Variants in GABRR1 observed in about 807,000 individuals in gnomAD.
GABRR1 encodes the protein gamma-aminobutyric acid type A receptor subunit rho1.
GABRR1 carries 59 observed loss-of-function variants against 55.5 expected under a neutral mutation model. That is an observed-to-expected ratio of 1.06 (90% CI 0.86 to 1.32). GABRR1 has a LOEUF of 1.32. Ranked by LOEUF, GABRR1 falls within the 40% of genes most tolerant of loss-of-function variation. The pLI is 0.00. For missense variants in GABRR1, 602 were observed against 619.1 expected (o/e 0.97, Z 0.29); for synonymous variants, 213 against 226.0 (o/e 0.94, Z 0.51).
chr6:89,220,254 G>T (rs1159313179), upstream of GABRR1, among the ~76,000 whole-genome samples: 1 of 152,198 alleles, frequency 6.6e-6, no homozygotes, highest in African/African-American at 2.4e-5. Context: ...AAACCGGAAG[G>T]CCTCAAACAC....
intron 9 of GABRR1, 91 bp from the exon 10 acceptor site, chr6:89,179,154 G>A: frequency 7.6e-7 from 1 of 1,307,370 alleles, no homozygotes; most frequent in Non-Finnish European, 1.0e-6. Context: ...GGTGTTGCCT[G>A]GTTTCTGGTA....
upstream of GABRR1, among the ~76,000 whole-genome samples, chr6:89,220,780 GCA>G (rs1214776729): frequency 6.6e-6 from 1 of 152,066 alleles, no homozygotes; most frequent in Non-Finnish European, 1.5e-5. Context: ...GAGTGCAATG[GCA>G]TGATCTCAGC....
intron 1 of GABRR1, among the ~76,000 whole-genome samples, chr6:89,210,921 AG>A (rs954140152): frequency 4.3e-4 from 14 of 32,328 alleles, no homozygotes; most frequent in South Asian, 1.3e-3. Context: ...CTTGAGAGGC[AG>A]GGGGTGAGGG....
chr6:89,229,586 T>C (rs1351862637), intron 1 of GABRR1, among the ~76,000 whole-genome samples: 1 of 140,640 alleles, frequency 7.1e-6, no homozygotes, highest in African/African-American at 2.6e-5. Flanking sequence ...TGTTGAATAT[T>C]GGCCCCCACT....
At chr6:89,181,449 T>C (rs1232911674) in intron 8 of GABRR1, among the ~76,000 whole-genome samples, 1 of 152,250 alleles carries the variant, frequency 6.6e-6, no homozygotes. Context: ...TGGGAGAACT[T>C]GTTAAAAATG....
At chr6:89,188,396 A>T (rs9294424) in intron 6 of GABRR1, among the ~76,000 whole-genome samples, 1 of 152,036 alleles carries the variant, frequency 6.6e-6, no homozygotes, top group Non-Finnish European at 1.5e-5. Context: ...ACAAAGGATA[A>T]GGGTTCTAAT....
chr6:89,207,411 T>A (rs1466670612), intron 1 of GABRR1, among the ~76,000 whole-genome samples: 1 of 152,056 alleles, frequency 6.6e-6, no homozygotes, highest in Non-Finnish European at 1.5e-5. Flanking sequence ...CCCAGGCTGG[T>A]CTTGAACCCC....
Position 89,187,208 on chromosome 6 carries a change from G to GTGT in GABRR1, c.656-1759_656-1758insACA, listed in dbSNP as rs1212822097. 1.2e-4 allele frequency among the ~76,000 whole-genome samples: 17 copies of GTGT among 146,050 alleles called. No homozygotes were observed. The South Asian group carries it at 2.1e-3, about 18-fold the overall frequency. ...TCTTTCTGTGGCCTGGTTTCTGGGG[G>GTGT]GTGTGTGTGTGTGTGTGTGTGTTGT... On this transcript the variant is annotated intron_variant, in intron 6 of 9. Coordinates refer to ENST00000454853, the MANE Select transcript of GABRR1 (RefSeq NM_002042.5).
chr6:89,188,796 T>C (rs1771993710), intron 6 of GABRR1, among the ~76,000 whole-genome samples: 1 of 152,176 alleles, frequency 6.6e-6, no homozygotes, highest in Non-Finnish European at 1.5e-5. Context: ...TTTTCTTTTG[T>C]TGACTGCACC....
Position 89,230,381 on chromosome 6 carries a change from C to T in GABRR1, c.-411+835G>A, listed in dbSNP as rs1467197947. 4.5e-3 allele frequency among the ~76,000 whole-genome samples: 605 copies of T among 135,680 alleles called. 8 individuals are homozygous for T. The highest frequency in any genetic ancestry group is 0.016 in the African/African-American group (581 of 35,954). 89.0% of individuals were successfully genotyped at this position (135,680 alleles called of 152,430 possible). On this transcript the variant is annotated intron_variant, in intron 1 of 11. Transcript: ENST00000369451. ...CAGTTTTTCTGTTCTGTTTTTTCCC[C>T]ATCTTTGTGGTTTTATCTACTTTTG...
intron 1 of GABRR1, among the ~76,000 whole-genome samples, chr6:89,210,224 T>A (rs1488902317): frequency 7.0e-6 from 1 of 142,692 alleles, no homozygotes; most frequent in Admixed American, 7.1e-5. Flanking sequence ...AGATAGTTCT[T>A]ACTCTGTCAC....
intron 1 of GABRR1, among the ~76,000 whole-genome samples, chr6:89,208,273 T>C (rs768399329): frequency 1.3e-5 from 2 of 152,254 alleles, no homozygotes; most frequent in Non-Finnish European, 2.9e-5. Flanking sequence ...TGTGCATTCT[T>C]CCACATAATG....
At chr6:89,206,075 A>T (rs1772631805) in intron 1 of GABRR1, among the ~76,000 whole-genome samples, 1 of 151,696 alleles carries the variant, frequency 6.6e-6, no homozygotes, top group South Asian at 2.1e-4. Context: ...CTCCTTCTCA[A>T]CACCCCATGC....
chr6:89,207,681 T>C (rs1032388474), intron 1 of GABRR1, among the ~76,000 whole-genome samples: 5 of 152,244 alleles, frequency 3.3e-5, no homozygotes, highest in East Asian at 3.9e-4. Flanking sequence ...TGATTACACA[T>C]TGGAATCACC....
intron 8 of GABRR1, 36 bp from the exon 9 acceptor site, chr6:89,180,524 G>A (rs1771686229): frequency 1.2e-6 from 2 of 1,604,342 alleles, no homozygotes; most frequent in African/African-American, 2.7e-5. Flanking sequence ...GTGTTTGCTT[G>A]TCTTTCACCA....
intron 1 of GABRR1, among the ~76,000 whole-genome samples, chr6:89,215,506 G>A (rs1772955774): frequency 1.3e-5 from 2 of 152,200 alleles, no homozygotes; most frequent in Non-Finnish European, 1.5e-5. Flanking sequence ...ACAGACAGCA[G>A]AATGATGGTT....
intron 1 of GABRR1, among the ~76,000 whole-genome samples, chr6:89,216,917 G>A (rs946999810): frequency 6.6e-6 from 1 of 152,060 alleles, no homozygotes; most frequent in Non-Finnish European, 1.5e-5. Flanking sequence ...TTTTTTAAAT[G>A]TGCATATATT....
chr6:89,187,208 G>GTGTGTGTGT (rs1212822097), intron 6 of GABRR1, among the ~76,000 whole-genome samples: 3 of 145,978 alleles, frequency 2.1e-5, no homozygotes, highest in Non-Finnish European at 4.5e-5. Flanking sequence ...GTTTCTGGGG[G>GTGTGTGTGT]GTGTGTGTGT....
At chr6:89,221,012 G>A (rs1331112373), upstream of GABRR1, among the ~76,000 whole-genome samples, 1 of 152,050 alleles carries the variant, frequency 6.6e-6, no homozygotes, top group Non-Finnish European at 1.5e-5. Flanking sequence ...GAGCCACCGC[G>A]CCTGGCCAAA....
Sources: allele counts gnomAD v4.1 joint callset (sites outside exome capture counted in the v4.1 genomes callset), GRCh38; gene constraint gnomAD v4.1.1; transcripts MANE v1.5; gene names NCBI Gene and HGNC (gene_info 2026-07-23, HGNC 2026-07-21).